UBR1: variants seen among roughly 807,000 people sequenced by gnomAD.
The protein encoded by UBR1 is E3 ubiquitin-protein ligase UBR1.
UBR1 carries 102 observed loss-of-function variants against 242.1 expected under a neutral mutation model. The observed-to-expected ratio is 0.42, with a 90% CI of 0.36 to 0.50. The LOEUF is 0.50. UBR1 is among the 20% of genes least tolerant of loss of function. UBR1 has a pLI of 0.01. For missense variants in UBR1, 1,772 were observed against 2,101.8 expected (o/e 0.84, Z 3.07); for synonymous variants, 675 against 684.8 (o/e 0.99, Z 0.22).
chr15:43,062,347 A>C (rs2033699106), intron 6 of UBR1, among the ~76,000 whole-genome samples: 1 of 152,206 alleles, frequency 6.6e-6, no homozygotes, highest in Non-Finnish European at 1.5e-5. Context: ...ATATATATAC[A>C]AACAGACAAA....
rs575050354 is a variant in UBR1, at chr15:42,977,886, A to G, written c.4212T>C (p.His1404=). Residue 1404 remains histidine, a synonymous_variant, in exon 38 of 47, where the codon CAT becomes CAC. Coordinates refer to ENST00000290650, the MANE Select transcript of UBR1 (RefSeq NM_174916.3). ...AAAATTACTGAACACTTACCAAAAC[A>G]TGAAACAGATCTATAGACAGAAGGC... is the stretch of plus-strand genomic sequence containing the variant. ...TPCLLSIDLF[H]VLVGAVLAFP... 3.7e-6 allele frequency: 6 copies of G among 1,612,842 alleles called. No homozygotes were observed. The highest frequency in any genetic ancestry group is 1.3e-5 in the African/African-American group (1 of 75,004).
At chr15:43,096,536 G>C (rs928795109) in intron 1 of UBR1, among the ~76,000 whole-genome samples, 4 of 152,184 alleles carry the variant, frequency 2.6e-5, no homozygotes, top group African/African-American at 9.7e-5. Context: ...TTTCTCTGTA[G>C]CATGTGATAG....
At chr15:42,996,849 G>C (rs1232723532) in intron 33 of UBR1, among the ~76,000 whole-genome samples, 1 of 152,134 alleles carries the variant, frequency 6.6e-6, no homozygotes, top group African/African-American at 2.4e-5. Flanking sequence ...AGAATACCTA[G>C]AAATATTCTT....
chr15:43,021,414 A>C, intron 26 of UBR1, 39 bp from the exon 27 acceptor site: 1 of 1,587,586 alleles, frequency 6.3e-7, no homozygotes, highest in Non-Finnish European at 8.6e-7. Flanking sequence ...TAAATACATA[A>C]AGTCATCTCT....
chr15:42,961,423 C>CTTTT (rs766721149), intron 42 of UBR1, among the ~76,000 whole-genome samples: 1 of 131,896 alleles, frequency 7.6e-6, no homozygotes, highest in African/African-American at 2.8e-5. Flanking sequence ...CTATGTTCCT[C>CTTTT]TTTTTTTTTT....
chr15:43,005,739 A>G (rs909934697), intron 30 of UBR1, among the ~76,000 whole-genome samples: 1 of 152,122 alleles, frequency 6.6e-6, no homozygotes, highest in Non-Finnish European at 1.5e-5. Flanking sequence ...TTTGTTCTGT[A>G]CTAAGAAAAA....
chr15:43,054,474 G>T (rs537019843), intron 12 of UBR1, among the ~76,000 whole-genome samples: 22 of 152,310 alleles, frequency 1.4e-4, no homozygotes, highest in African/African-American at 5.1e-4. Flanking sequence ...TAATTACAAT[G>T]GCAATGCATT....
chr15:43,081,605 T>C (rs999319260), intron 3 of UBR1, among the ~76,000 whole-genome samples: 1 of 152,096 alleles, frequency 6.6e-6, no homozygotes, highest in Non-Finnish European at 1.5e-5. Flanking sequence ...TACTGATCAT[T>C]TGTATATATT....
intron 1 of UBR1, among the ~76,000 whole-genome samples, chr15:43,100,091 G>A (rs959209428): frequency 3.9e-5 from 6 of 151,984 alleles, no homozygotes; most frequent in African/African-American, 9.7e-5. Flanking sequence ...TAGCCAGGAC[G>A]GTCTCGATCT....
At chr15:43,087,172 G>A (rs1324185261) in intron 1 of UBR1, among the ~76,000 whole-genome samples, 8 of 152,132 alleles carry the variant, frequency 5.3e-5, no homozygotes, top group Non-Finnish European at 2.9e-5. Context: ...TTGGGAGGCC[G>A]AGGTGGGTGG....
intron 30 of UBR1, among the ~76,000 whole-genome samples, chr15:43,004,434 G>A (rs970435620): frequency 2.0e-5 from 3 of 152,110 alleles, no homozygotes; most frequent in Non-Finnish European, 4.4e-5. Flanking sequence ...TGAAAGCCGA[G>A]GCTGGACTGT....
chr15:42,952,232 G>T (rs12438671), intron 45 of UBR1, 46 bp downstream of exon 45: 5 of 1,613,128 alleles, frequency 3.1e-6, no homozygotes, highest in Non-Finnish European at 3.4e-6. Context: ...ATTGGATCCA[G>T]ATTCCTTAAG....
chr15:43,075,026 G>A lies in UBR1; in HGVS notation c.481C>T (p.Pro161Ser). 6.2e-7 allele frequency: 1 copy of A among 1,613,950 alleles called. No homozygotes were observed. Among genetic ancestry groups the A allele is most frequent in the Non-Finnish European group, 8.5e-7 (1 of 1,179,972 alleles). ...CGDTEAWKTG[P>S]FCVNHEPGRA... ...CCAGGTTCATGATTTACACAAAAAG[G>A]GCCAGTTTTCCATGCCTCTGTGTCT... The change falls in exon 4 of 47, where the codon CCT becomes TCT. Residue 161 changes from proline to serine, a missense_variant. Pro to Ser is a moderately conservative substitution (Grantham distance 74). This residue lies in a region of UBR1 where 734 missense variants were observed against 893.3 expected (regional missense o/e 0.82). Transcript: ENST00000290650.
In UBR1 at chr15:43,056,517, C is replaced by T. The variant is rs186078514; in HGVS notation, c.1183-75G>A. The T allele has an allele frequency of 1.3e-5, 13 of 990,680 alleles. No homozygotes were observed. In the East Asian group the frequency reaches 2.9e-4, roughly 22 times the overall value. 61.4% of individuals were successfully genotyped at this position (990,680 alleles called of 1,614,324 possible). A position where few individuals can be genotyped will look rare whatever the true frequency, so the allele number is the denominator to read the frequency against. ...TAAAAAATCCCAATTTTAATAACTGCTGCAGGTTTGTTTCTATCTATAAAA... is the reference window on the plus strand; with the variant it reads ...TAAAAAATCCCAATTTTAATAACTGTTGCAGGTTTGTTTCTATCTATAAAA... On this transcript the variant is annotated intron_variant, in intron 10 of 46. Transcript: ENST00000290650.
At chr15:43,029,539 T>C (rs902764575) in intron 21 of UBR1, among the ~76,000 whole-genome samples, 2 of 152,194 alleles carry the variant, frequency 1.3e-5, no homozygotes, top group Non-Finnish European at 2.9e-5. Flanking sequence ...TAACTTTCCT[T>C]CCCTCTTTAT....
Position 42,945,254 on chromosome 15 carries a change from A to C in UBR1, c.*75T>G. The C allele has an allele frequency of 1.0e-5, 16 of 1,605,714 alleles. No homozygotes were observed. The South Asian group carries it at 1.8e-4, about 18-fold the overall frequency. Reference sequence around the variant, plus strand: ...ACCCTCCAATACTTTCCCAGCCCTCAGAAAGTTTTCCATAATTTTGAATCA... The same window carrying C: ...ACCCTCCAATACTTTCCCAGCCCTCCGAAAGTTTTCCATAATTTTGAATCA... On this transcript the variant is annotated 3_prime_UTR_variant, in exon 47 of 47. Coordinates refer to ENST00000290650, the MANE Select transcript of UBR1 (RefSeq NM_174916.3).
chr15:43,010,017 AC>A (rs1217431248), intron 29 of UBR1, among the ~76,000 whole-genome samples: 2 of 152,048 alleles, frequency 1.3e-5, no homozygotes, highest in Admixed American at 6.6e-5. Flanking sequence ...GATTACAGGC[AC>A]CTGCCACCAT....
At chr15:43,022,091 T>C (rs973185062) in intron 26 of UBR1, among the ~76,000 whole-genome samples, 7 of 152,120 alleles carry the variant, frequency 4.6e-5, no homozygotes, top group Non-Finnish European at 7.4e-5. Context: ...TGTATATCCA[T>C]AAACTGAATA....
chr15:43,096,318 C>T (rs1347012782), intron 1 of UBR1, among the ~76,000 whole-genome samples: 2 of 152,028 alleles, frequency 1.3e-5, no homozygotes, highest in Middle Eastern at 3.4e-3. Flanking sequence ...GGATTACAGG[C>T]GCCTGGCTCA....
Sources: allele counts gnomAD v4.1 joint callset (sites outside exome capture counted in the v4.1 genomes callset), GRCh38; gene constraint gnomAD v4.1.1; regional missense constraint gnomAD v4.1.1; transcripts MANE v1.5; gene names NCBI Gene and HGNC (gene_info 2026-07-23, HGNC 2026-07-21).